The following TMEM87A variants were observed in gnomAD, a reference collection of about 807,000 sequenced individuals.
The protein encoded by TMEM87A is transmembrane protein 87A.
A neutral mutation model predicts 90.0 loss-of-function variants in TMEM87A; 50 were observed. The observed-to-expected ratio is 0.56, with a 90% confidence interval of 0.44 to 0.70. The LOEUF (loss-of-function observed/expected upper bound fraction) is 0.70. Among genes scored for constraint, TMEM87A ranks in the 30% least tolerant of loss-of-function variants. TMEM87A has a pLI of 0.00. For synonymous variants in TMEM87A, 226 were observed against 226.7 expected (o/e 1.00, Z 0.03); for missense variants, 577 against 660.5 (o/e 0.87, Z 1.39).
At chr15:42,263,520 G>A (rs2051337671) in intron 4 of TMEM87A, among the ~76,000 whole-genome samples, 1 of 152,166 alleles carries the variant, frequency 6.6e-6, no homozygotes, top group African/African-American at 2.4e-5. Flanking sequence ...CAAGGTGGGT[G>A]GATCACTTCA....
intron 13 of TMEM87A, among the ~76,000 whole-genome samples, chr15:42,228,153 G>C (rs1395327440): frequency 6.6e-6 from 1 of 151,818 alleles, no homozygotes; most frequent in Non-Finnish European, 1.5e-5. Flanking sequence ...TGGCTGGTCA[G>C]ATGAAAAAAA....
chr15:42,231,226 G>C lies in TMEM87A; in HGVS notation c.1097C>G (p.Pro366Arg). ...QTDLASLAFI[P>R]LAFLDTALCW... ...CAAGGCAGTGTCTAGGAAAGCCAAG[G>C]GGATAAAGGCCAAGGAAGCAAGATC... The change falls in exon 12 of 20, where the codon CCC becomes CGC. Residue 366 changes from proline (P) to arginine (R), a missense_variant. Coordinates refer to ENST00000389834, the MANE Select transcript of TMEM87A (RefSeq NM_015497.5). The C allele has an allele frequency of 6.3e-7, 1 of 1,593,102 alleles. No individual in the cohort carries two copies. The highest frequency in any genetic ancestry group is 8.5e-7 in the Non-Finnish European group (1 of 1,171,602).
At chr15:42,225,951 G>A (rs1036601598) in intron 15 of TMEM87A, among the ~76,000 whole-genome samples, 5 of 152,082 alleles carry the variant, frequency 3.3e-5, no homozygotes, top group African/African-American at 4.8e-5. Context: ...GCAACCCTAT[G>A]TCAAGGAAGT....
intron 7 of TMEM87A, 142 bp from the exon 8 acceptor site, chr15:42,239,873 T>C: frequency 1.4e-6 from 1 of 736,824 alleles, no homozygotes; most frequent in Non-Finnish European, 2.4e-6. Context: ...CAATATTACA[T>C]TATATTTGTA....
chr15:42,234,384 C>G (rs909767015), intron 10 of TMEM87A, among the ~76,000 whole-genome samples: 15 of 152,114 alleles, frequency 9.9e-5, no homozygotes, highest in African/African-American at 3.6e-4. Flanking sequence ...TAGGCCTTAC[C>G]AATATTTGTT....
chr15:42,238,973 ATGCACACATACATGTATG>A (rs764581348), intron 8 of TMEM87A, among the ~76,000 whole-genome samples: 36 of 152,248 alleles, frequency 2.4e-4, no homozygotes, highest in Non-Finnish European at 4.1e-4. Flanking sequence ...ACACAGACGT[ATGCACACATACATGTATG>A]TGCACACATA....
At chr15:42,265,691 TCTTAAA>T (rs1282607129) in intron 3 of TMEM87A, among the ~76,000 whole-genome samples, 3 of 152,212 alleles carry the variant, frequency 2.0e-5, no homozygotes, top group Admixed American at 6.5e-5. Flanking sequence ...GTGCAGAAGC[TCTTAAA>T]CTTAATTAGA....
At chr15:42,259,416 G>A (rs1255344619) in intron 6 of TMEM87A, among the ~76,000 whole-genome samples, 2 of 152,154 alleles carry the variant, frequency 1.3e-5, no homozygotes, top group Non-Finnish European at 2.9e-5. Flanking sequence ...GTCCCTAAAA[G>A]ACTGATCACC....
At chr15:42,246,775 C>T (rs567994174) in intron 6 of TMEM87A, among the ~76,000 whole-genome samples, 27 of 152,264 alleles carry the variant, frequency 1.8e-4, no homozygotes, top group African/African-American at 6.3e-4. Context: ...TGTCCTTATA[C>T]TAGCATGATT....
intron 8 of TMEM87A, among the ~76,000 whole-genome samples, chr15:42,239,021 T>G (rs1304789609): frequency 1.3e-5 from 2 of 151,776 alleles, no homozygotes; most frequent in African/African-American, 2.4e-5. Context: ...ACACACAAAA[T>G]GAAGAGAAGG....
At position 42,252,171 on chromosome 15, in the gene TMEM87A, G is replaced by T. The variant is rs137871672; in HGVS notation, c.505-8004C>A. 8.3e-3 allele frequency among the ~76,000 whole-genome samples: 1,271 copies of T among 152,342 alleles called. 3 individuals carry two copies. Among genetic ancestry groups the T allele is most frequent in the Non-Finnish European group, 0.012 (815 of 68,030 alleles). On this transcript the variant is annotated intron_variant, in intron 6 of 19. Coordinates refer to ENST00000389834, the MANE Select transcript of TMEM87A (RefSeq NM_015497.5). ...GTCTGTCACGGCTTCCCTTGGCTAG[G>T]AAAGGGAAATCCCCCGACCCCTTGC...
intron 5 of TMEM87A, 42 bp from the exon 6 acceptor site, chr15:42,261,044 CTTGT>C (rs1199385971): frequency 1.9e-6 from 3 of 1,576,600 alleles, no homozygotes; most frequent in Middle Eastern, 1.7e-4. Context: ...TTCAGAACTT[CTTGT>C]TTTTAGCTGC....
chr15:42,222,642 T>C (rs1016414072), intron 15 of TMEM87A, among the ~76,000 whole-genome samples: 2 of 151,944 alleles, frequency 1.3e-5, no homozygotes, highest in Non-Finnish European at 2.9e-5. Flanking sequence ...CGCTGCAACC[T>C]CCGCCTCCCG....
At chr15:42,241,327 A>G (rs2050862812) in intron 7 of TMEM87A, among the ~76,000 whole-genome samples, 1 of 152,244 alleles carries the variant, frequency 6.6e-6, no homozygotes, top group Admixed American at 6.5e-5. Flanking sequence ...AAGGATAAGT[A>G]GAGAACTATC....
chr15:42,219,788 G>T, intron 16 of TMEM87A, 146 bp from the exon 17 acceptor site: 1 of 674,226 alleles, frequency 1.5e-6, no homozygotes, highest in Non-Finnish European at 2.4e-6. Flanking sequence ...TAATACTTGT[G>T]AAGTATACAA....
At chr15:42,270,751 C>A (rs80177196) in intron 2 of TMEM87A, among the ~76,000 whole-genome samples, 94 of 152,336 alleles carry the variant, frequency 6.2e-4, no homozygotes, top group Non-Finnish European at 1.2e-3. Flanking sequence ...ACCAATCTCA[C>A]AAGGCCAGTG....
rs974818892 is a variant in TMEM87A at position 42,227,779 on chromosome 15, A to T, written c.1241-10T>A. ...ATAAACACAATGGATGCTAACAGTA[A>T]ATGAAAAACCAGGTCAGAGTATGAA... On this transcript the variant is annotated splice_polypyrimidine_tract_variant and intron_variant, in intron 13 of 19. Coordinates refer to ENST00000389834, the MANE Select transcript of TMEM87A (RefSeq NM_015497.5). 1 of 1,613,512 alleles carries T rather than the reference A, an allele frequency of 6.2e-7. No individual in the cohort carries two copies. The highest frequency in any genetic ancestry group is 1.3e-5 in the African/African-American group (1 of 74,926).
At chr15:42,242,494 A>C (rs1000713557) in intron 7 of TMEM87A, among the ~76,000 whole-genome samples, 4 of 145,008 alleles carry the variant, frequency 2.8e-5, no homozygotes, top group Non-Finnish European at 6.1e-5. Context: ...AAAAGACAGG[A>C]GGATACACAT....
At chr15:42,262,548 C>T (rs368105726) in intron 4 of TMEM87A, among the ~76,000 whole-genome samples, 130 of 151,624 alleles carry the variant, frequency 8.6e-4, no homozygotes, top group African/African-American at 3.1e-3. Flanking sequence ...TTCAGCCTCC[C>T]GAGTAGCTGG....
Sources: gnomAD v4.1 joint callset for allele counts (sites outside exome capture counted in the v4.1 genomes callset) on GRCh38, gnomAD v4.1.1 for gene constraint, MANE v1.5 for transcripts, NCBI Gene and HGNC (gene_info 2026-07-23, HGNC 2026-07-21) for gene names.